The following NCALD variants were observed in gnomAD, a reference collection of about 807,000 sequenced individuals.
NCALD encodes neurocalcin delta.
In NCALD, 10 loss-of-function variants were observed where a neutral mutation model predicts 18.6. The observed-to-expected ratio is 0.54, with a 90% CI of 0.33 to 0.91. The LOEUF is 0.91. Ranked by LOEUF, NCALD falls within the 40% of genes least tolerant of loss-of-function variation. NCALD has a pLI of 0.03. For missense variants in NCALD, 184 were observed against 247.6 expected (o/e 0.74, Z 1.72); for synonymous variants, 88 against 87.4 (o/e 1.01, Z -0.04).
intron 2 of NCALD, among the ~76,000 whole-genome samples, chr8:101,938,398 A>G (rs770122573): frequency 2.0e-5 from 3 of 152,352 alleles, no homozygotes; most frequent in South Asian, 2.1e-4. Context: ...CTCCACGGTT[A>G]CATAGTACTT....
At chr8:102,086,816 T>C (rs922416446) in intron 1 of NCALD, among the ~76,000 whole-genome samples, 1 of 152,120 alleles carries the variant, frequency 6.6e-6, no homozygotes, top group Non-Finnish European at 1.5e-5. Context: ...CAGCACAAGA[T>C]ACAGGTCATA....
intron 1 of NCALD, among the ~76,000 whole-genome samples, chr8:102,079,365 G>C (rs868495874): frequency 3.3e-5 from 5 of 152,154 alleles, no homozygotes; most frequent in Non-Finnish European, 1.5e-5. Context: ...CACAACCACC[G>C]TATTTTCCCC....
chr8:101,778,783 CAAAG>C (rs1811897114), intron 1 of NCALD, among the ~76,000 whole-genome samples: 1 of 151,876 alleles, frequency 6.6e-6, no homozygotes, highest in Admixed American at 6.6e-5. Context: ...GAGGAGAAAA[CAAAG>C]AAAATAGAGA....
chr8:101,845,575 G>A (rs1563821621), intron 4 of NCALD, among the ~76,000 whole-genome samples: 1 of 152,076 alleles, frequency 6.6e-6, no homozygotes, highest in African/African-American at 2.4e-5. Context: ...ATATTTATGG[G>A]GTCCAGGTAA....
intron 4 of NCALD, among the ~76,000 whole-genome samples, chr8:101,800,586 A>T (rs540215070): frequency 1.7e-4 from 26 of 151,994 alleles, no homozygotes; most frequent in South Asian, 1.2e-3. Flanking sequence ...AATAAACATC[A>T]TACTGTATTA....
chr8:101,859,525 G>A (rs896858848), intron 4 of NCALD, among the ~76,000 whole-genome samples: 1 of 152,068 alleles, frequency 6.6e-6, no homozygotes, highest in South Asian at 2.1e-4. Context: ...AAAGGCATAA[G>A]ATACTATATC....
intron 1 of NCALD, among the ~76,000 whole-genome samples, chr8:101,790,091 C>T (rs560103707): frequency 3.9e-5 from 6 of 152,142 alleles, no homozygotes; most frequent in Non-Finnish European, 5.9e-5. Context: ...GTAATTATGA[C>T]GATTTTTAAA....
chr8:102,116,393 C>T, intron 1 of NCALD, among the ~76,000 whole-genome samples: 1 of 152,196 alleles, frequency 6.6e-6, no homozygotes, highest in East Asian at 1.9e-4. Flanking sequence ...TGTATCCTAA[C>T]TACTGAGCTC....
At chr8:102,023,406 C>T (rs1822346397) in intron 1 of NCALD, among the ~76,000 whole-genome samples, 1 of 152,190 alleles carries the variant, frequency 6.6e-6, no homozygotes, top group African/African-American at 2.4e-5. Context: ...AAAAACATCT[C>T]TTTTTTTCTT....
chr8:101,804,229 T>C (rs1812976093), intron 4 of NCALD, among the ~76,000 whole-genome samples: 1 of 148,512 alleles, frequency 6.7e-6, no homozygotes, highest in South Asian at 2.1e-4. Flanking sequence ...TTTTAGAAAA[T>C]AATATTTTAT....
intron 1 of NCALD, among the ~76,000 whole-genome samples, chr8:102,082,114 A>C (rs191526292): frequency 1.1e-4 from 17 of 151,786 alleles, no homozygotes; most frequent in African/African-American, 3.9e-4. Flanking sequence ...TACCTCTAAG[A>C]GTGCAAAAAG....
chr8:101,934,183 G>A (rs1377492823), intron 2 of NCALD, among the ~76,000 whole-genome samples: 1 of 152,168 alleles, frequency 6.6e-6, no homozygotes, highest in Non-Finnish European at 1.5e-5. Context: ...TAAGAAGACT[G>A]CAGATAATTT....
intron 2 of NCALD, among the ~76,000 whole-genome samples, chr8:101,980,260 G>A (rs1430971902): frequency 5.3e-5 from 8 of 152,156 alleles, no homozygotes; most frequent in South Asian, 2.1e-4. Context: ...GAGGTGGGGC[G>A]CACATTAGAT....
At chr8:102,035,053 G>C (rs80273978) in intron 1 of NCALD, among the ~76,000 whole-genome samples, 4,549 of 152,206 alleles carry the variant, frequency 0.03, 241 homozygotes, top group African/African-American at 0.1. Flanking sequence ...AGATAAGTAC[G>C]CACATGGTTT....
chr8:101,743,996 A>T (rs184267947), intron 1 of NCALD, among the ~76,000 whole-genome samples: 21 of 152,324 alleles, frequency 1.4e-4, no homozygotes, highest in Non-Finnish European at 2.9e-4. Flanking sequence ...ACTGAGATGT[A>T]AACAGCCCAG....
At chr8:101,690,349 G>A (rs903662629) in intron 3 of NCALD, 41 of 980,872 alleles carry the variant, frequency 4.2e-5, no homozygotes, top group Middle Eastern at 5.3e-4. Flanking sequence ...GGGCATCTCC[G>A]CCCAGCTTTG....
chr8:102,038,792 G>A (rs1265176680), intron 1 of NCALD, among the ~76,000 whole-genome samples: 2 of 152,088 alleles, frequency 1.3e-5, no homozygotes, highest in Non-Finnish European at 2.9e-5. Flanking sequence ...CTTGAGTGTG[G>A]GTGGAATCTG....
chr8:101,855,171 T>C (rs16868555), intron 4 of NCALD, among the ~76,000 whole-genome samples: 21,615 of 151,780 alleles, frequency 0.14, 1,985 homozygotes, highest in East Asian at 0.27. Flanking sequence ...GGAAGAAGAG[T>C]AGTTGCAAGT....
chr8:101,966,630 A>G (rs1253869036), intron 2 of NCALD, among the ~76,000 whole-genome samples: 1 of 152,090 alleles, frequency 6.6e-6, no homozygotes, highest in Admixed American at 6.6e-5. Context: ...CTTAAAGTAT[A>G]ATAATAATAA....
Sources: gnomAD v4.1 joint callset for allele counts (sites outside exome capture counted in the v4.1 genomes callset) on GRCh38, gnomAD v4.1.1 for gene constraint, MANE v1.5 for transcripts, NCBI Gene and HGNC (gene_info 2026-07-23, HGNC 2026-07-21) for gene names.